The following ADAMTS3 variants were observed in gnomAD, a reference collection of about 807,000 sequenced individuals.
ADAMTS3 encodes A disintegrin and metalloproteinase with thrombospondin motifs 3.
In ADAMTS3, 73 loss-of-function variants were observed where a neutral mutation model predicts 129.0. The ratio of observed to expected loss-of-function variants is 0.57; its 90% CI spans 0.47 to 0.69. ADAMTS3 has a LOEUF of 0.69. Ranked by LOEUF, ADAMTS3 falls within the 30% of genes least tolerant of loss-of-function variation. The probability of loss-of-function intolerance (pLI) is 0.00; values close to 1 mark genes in which losing one functional copy is unlikely to be tolerated. For synonymous variants in ADAMTS3, 477 were observed against 510.8 expected, an observed-to-expected ratio of 0.93 and a Z score of 0.89; for missense variants, 1,457 against 1,514.5, an observed-to-expected ratio of 0.96 and a Z score of 0.63.
intron 3 of ADAMTS3, among the ~76,000 whole-genome samples, chr4:72,476,314 G>T (rs1719230542): frequency 6.6e-6 from 1 of 151,726 alleles, no homozygotes; most frequent in African/African-American, 2.4e-5. Flanking sequence ...GATAACAAAA[G>T]AATAATGATA....
At position 72,530,829 on chromosome 4, in the gene ADAMTS3, TATATATA is replaced by T. The variant is rs1236832862; in HGVS notation, c.504+17642_504+17648del. Among the ~76,000 whole-genome samples the T allele has an allele frequency of 2.4e-3, 291 of 122,192 alleles. 3 individuals carry two copies. The highest frequency in any genetic ancestry group is 8.5e-3 in the African/African-American group (272 of 31,986). The allele number at this position is 122,192 out of a possible 152,430, so 80.2% of individuals were successfully genotyped here. A position where few individuals can be genotyped will look rare whatever the true frequency, so the allele number is the denominator to read the frequency against. On this transcript the variant is annotated intron_variant, in intron 3 of 21. Transcript: ENST00000286657. The stretch of plus-strand genomic sequence containing the variant: ...ATTATATATTATATATTATATAGAT[TATATATA>T]ATATATAATATATAATATTTTATAT...
chr4:72,355,114 T>G (rs530446313), intron 4 of ADAMTS3, among the ~76,000 whole-genome samples: 1 of 152,072 alleles, frequency 6.6e-6, no homozygotes, highest in African/African-American at 2.4e-5. Flanking sequence ...GAGTAGTTAA[T>G]CTTGTTATTT....
intron 3 of ADAMTS3, among the ~76,000 whole-genome samples, chr4:72,516,764 C>G (rs367791984): frequency 2.0e-5 from 3 of 151,960 alleles, no homozygotes; most frequent in Non-Finnish European, 4.4e-5. Flanking sequence ...TCTAGATATA[C>G]AATCATGTCA....
At chr4:72,510,819 C>CAAAAA (rs869030257) in intron 3 of ADAMTS3, among the ~76,000 whole-genome samples, 1 of 63,668 alleles carries the variant, frequency 1.6e-5, no homozygotes. Flanking sequence ...ATCCTTAAGC[C>CAAAAA]AAAAAAAAAA....
intron 3 of ADAMTS3, among the ~76,000 whole-genome samples, chr4:72,464,607 G>A (rs925524220): frequency 6.6e-6 from 1 of 151,888 alleles, no homozygotes. Flanking sequence ...AAAAGTGTGG[G>A]GCTATGAAAG....
intron 3 of ADAMTS3, among the ~76,000 whole-genome samples, chr4:72,415,738 T>C (rs907463210): frequency 2.0e-5 from 3 of 152,050 alleles, no homozygotes; most frequent in Non-Finnish European, 2.9e-5. Flanking sequence ...ACCAGGGCTA[T>C]AGCCAGTACT....
At chr4:72,474,915 T>G (rs1318423959) in intron 3 of ADAMTS3, among the ~76,000 whole-genome samples, 2 of 149,888 alleles carry the variant, frequency 1.3e-5, no homozygotes, top group Non-Finnish European at 3.0e-5. Flanking sequence ...TAGTCCCAGC[T>G]ACTTGGGAGG....
At chr4:72,506,606 G>A (rs939674883) in intron 3 of ADAMTS3, among the ~76,000 whole-genome samples, 2 of 152,202 alleles carry the variant, frequency 1.3e-5, no homozygotes, top group Admixed American at 6.5e-5. Context: ...CTAGGGAAAT[G>A]CTTGCAGCTC....
intron 4 of ADAMTS3, among the ~76,000 whole-genome samples, chr4:72,390,554 C>T (rs1465368775): frequency 6.6e-6 from 1 of 152,128 alleles, no homozygotes; most frequent in Non-Finnish European, 1.5e-5. Flanking sequence ...CCTATTATCT[C>T]ATACTTTATG....
intron 2 of ADAMTS3, among the ~76,000 whole-genome samples, chr4:72,564,801 C>G (rs747925784): frequency 2.0e-5 from 3 of 152,134 alleles, no homozygotes; most frequent in Non-Finnish European, 2.9e-5. Context: ...CCTTCCTAGT[C>G]TAGAGGGTTG....
At chr4:72,316,373 CAGAT>C (rs1295767533) in intron 10 of ADAMTS3, among the ~76,000 whole-genome samples, 2 of 152,192 alleles carry the variant, frequency 1.3e-5, no homozygotes, top group African/African-American at 4.8e-5. Context: ...CTGTAGGTAT[CAGAT>C]AGATAGTTGA....
At chr4:72,518,971 G>A (rs1333526481) in intron 3 of ADAMTS3, among the ~76,000 whole-genome samples, 1 of 151,962 alleles carries the variant, frequency 6.6e-6, no homozygotes, top group Non-Finnish European at 1.5e-5. Context: ...TGCAGCGGCT[G>A]GTACCAGTTG....
At chr4:72,503,901 A>G (rs533553470) in intron 3 of ADAMTS3, among the ~76,000 whole-genome samples, 4 of 152,258 alleles carry the variant, frequency 2.6e-5, no homozygotes, top group African/African-American at 9.6e-5. Context: ...TGTTTCATCT[A>G]ATATAAGAAT....
chr4:72,288,858 G>A lies in ADAMTS3; in HGVS notation c.2942C>T (p.Thr981Ile). The change falls in exon 21 of 22, where the codon ACC (threonine) becomes ATC (isoleucine). Residue 981 changes from threonine (T) to isoleucine (I), a missense_variant. Transcript: ENST00000286657. Reference protein sequence around the residue: ...KTGPWSECSVTCGEGTEVRQV... With the variant: ...KTGPWSECSVICGEGTEVRQV... ...CCTCACCTCCGTTCCTTCACCGCAG[G>A]TCACTGAACACTGCAGAGACAAAGG... 6.2e-7 allele frequency: 1 copy of A among 1,609,272 alleles called. No homozygotes were observed. The highest frequency in any genetic ancestry group is 8.5e-7 in the Non-Finnish European group (1 of 1,177,504).
chr4:72,561,826 G>A (rs1178248749), intron 2 of ADAMTS3, among the ~76,000 whole-genome samples: 1 of 152,158 alleles, frequency 6.6e-6, no homozygotes, highest in African/African-American at 2.4e-5. Context: ...TAAATTCCAT[G>A]CAGATTCATC....
intron 3 of ADAMTS3, among the ~76,000 whole-genome samples, chr4:72,495,030 A>G (rs1211843456): frequency 6.6e-6 from 1 of 152,188 alleles, no homozygotes; most frequent in Non-Finnish European, 1.5e-5. Flanking sequence ...TTTTAGCACC[A>G]GGTCTGACAT....
intron 4 of ADAMTS3, among the ~76,000 whole-genome samples, chr4:72,393,310 C>T (rs1178137302): frequency 1.3e-5 from 2 of 152,140 alleles, no homozygotes; most frequent in Non-Finnish European, 2.9e-5. Flanking sequence ...TTGGAGTCTG[C>T]TGTGGGATAT....
At chr4:72,435,616 G>A (rs1459147181) in intron 3 of ADAMTS3, among the ~76,000 whole-genome samples, 1 of 151,734 alleles carries the variant, frequency 6.6e-6, no homozygotes, top group Non-Finnish European at 1.5e-5. Context: ...GTCGACTGAT[G>A]TAAGACAGTA....
At chr4:72,303,317 A>G (rs1319319991) in intron 17 of ADAMTS3, among the ~76,000 whole-genome samples, 1 of 148,868 alleles carries the variant, frequency 6.7e-6, no homozygotes, top group Non-Finnish European at 1.5e-5. Context: ...TTGTGGCCAT[A>G]TATTTTTCTT....
Sources: gnomAD v4.1 joint callset for allele counts (sites outside exome capture counted in the v4.1 genomes callset) on GRCh38, gnomAD v4.1.1 for gene constraint, MANE v1.5 for transcripts, NCBI Gene and HGNC (gene_info 2026-07-23, HGNC 2026-07-21) for gene names.